TBCK: variants seen among roughly 807,000 people sequenced by gnomAD.
The protein encoded by TBCK is TBC domain-containing protein kinase-like protein.
In TBCK, 99 loss-of-function variants were observed where a neutral mutation model predicts 113.4. The ratio of observed to expected loss-of-function variants is 0.87; its 90% CI spans 0.74 to 1.03. TBCK has a LOEUF of 1.03. Ranked by LOEUF, TBCK falls within the 50% of genes least tolerant of loss-of-function variation. The pLI, the probability that TBCK is intolerant of heterozygous loss-of-function variation, is 0.00. For missense variants in TBCK, 1,045 were observed against 1,061.3 expected (o/e 0.98, Z 0.21); for synonymous variants, 369 against 370.8 (o/e 1.00, Z 0.05).
chr4:106,197,323 C>A (rs148340027), intron 20 of TBCK, among the ~76,000 whole-genome samples: 222 of 146,354 alleles, frequency 1.5e-3, no homozygotes, highest in Non-Finnish European at 2.7e-3. Context: ...CCCCTCAAAT[C>A]TTTGCTAATT....
At chr4:106,053,817 T>C (rs965698614) in intron 25 of TBCK, among the ~76,000 whole-genome samples, 1 of 151,676 alleles carries the variant, frequency 6.6e-6, no homozygotes, top group African/African-American at 2.4e-5. Context: ...TCTCAGGAAA[T>C]GGCAATTTCA....
At chr4:106,262,967 G>C (rs1312011102) in intron 3 of TBCK, among the ~76,000 whole-genome samples, 1 of 151,914 alleles carries the variant, frequency 6.6e-6, no homozygotes, top group Admixed American at 6.6e-5. Flanking sequence ...AGTATGGATT[G>C]TTCATTTGCA....
chr4:106,136,795 T>C (rs866150596), intron 23 of TBCK, among the ~76,000 whole-genome samples: 1 of 141,132 alleles, frequency 7.1e-6, no homozygotes, highest in African/African-American at 2.5e-5. Flanking sequence ...CAATATACCA[T>C]GAGCTCCTGT....
chr4:106,199,470 A>C (rs1253923220), intron 20 of TBCK, among the ~76,000 whole-genome samples: 1 of 151,970 alleles, frequency 6.6e-6, no homozygotes, highest in Admixed American at 6.6e-5. Context: ...ATTTTTCTCC[A>C]AATAACTGTG....
chr4:106,099,110 TTCAA>T (rs1221888558), intron 24 of TBCK, among the ~76,000 whole-genome samples: 2 of 152,046 alleles, frequency 1.3e-5, no homozygotes, highest in South Asian at 2.1e-4. Flanking sequence ...TATGCTGTAC[TTCAA>T]TCAAACAGAA....
At chr4:106,315,255 T>C (rs572657299) in intron 1 of TBCK, among the ~76,000 whole-genome samples, 5 of 152,150 alleles carry the variant, frequency 3.3e-5, no homozygotes, top group African/African-American at 1.2e-4. Flanking sequence ...CAGTTGTTTT[T>C]CCAGCTGGTG....
chr4:106,050,143 T>C (rs1734649277), intron 25 of TBCK, among the ~76,000 whole-genome samples: 1 of 152,028 alleles, frequency 6.6e-6, no homozygotes, highest in African/African-American at 2.4e-5. Flanking sequence ...AAGGGAGATT[T>C]CATAATGATA....
chr4:106,221,862 G>T (rs1757725873), intron 19 of TBCK, among the ~76,000 whole-genome samples: 1 of 151,894 alleles, frequency 6.6e-6, no homozygotes, highest in Non-Finnish European at 1.5e-5. Context: ...TACCTGTCTG[G>T]TACTATGCTT....
rs1734038582 is a variant in TBCK at position 106,044,437 on chromosome 4, A to T, written c.*2133T>A. On this transcript the variant is annotated 3_prime_UTR_variant, in exon 26 of 26. Transcript: ENST00000394708. ...AATTCTCACATTTTTTTCCTTGTAAACTAGGTAAGGATCACAAATGATATA... is the reference window on the plus strand; with the variant it reads ...AATTCTCACATTTTTTTCCTTGTAATCTAGGTAAGGATCACAAATGATATA... 1 of 152,138 alleles carries T rather than the reference A, an allele frequency of 6.6e-6. No homozygotes were observed. Among genetic ancestry groups the T allele is most frequent in the African/African-American group, 2.4e-5 (1 of 41,392 alleles). The allele number at this position is 152,138 out of a possible 1,614,324, so 9.4% of individuals were successfully genotyped here. A position where few individuals can be genotyped will look rare whatever the true frequency, so the allele number is the denominator to read the frequency against.
At chr4:106,316,425 G>A (rs1768884576), upstream of TBCK, 1 of 973,214 alleles carries the variant, frequency 1.0e-6, no homozygotes. Flanking sequence ...CAGGTTAATG[G>A]GACTGAGCAC....
intron 10 of TBCK, among the ~76,000 whole-genome samples, chr4:106,245,877 C>A (rs996313581): frequency 2.0e-5 from 3 of 152,098 alleles, no homozygotes; most frequent in African/African-American, 7.2e-5. Context: ...ATGTCCAGCA[C>A]TTTCATTTAG....
chr4:106,053,254 C>A (rs1012855874), intron 25 of TBCK, among the ~76,000 whole-genome samples: 1 of 151,456 alleles, frequency 6.6e-6, no homozygotes, highest in African/African-American at 2.4e-5. Context: ...TTGCAAGAAG[C>A]CTATTCTCTC....
At chr4:106,071,840 A>G (rs1327931849) in intron 25 of TBCK, among the ~76,000 whole-genome samples, 1 of 152,134 alleles carries the variant, frequency 6.6e-6, no homozygotes, top group Non-Finnish European at 1.5e-5. Context: ...TGATCCCTTT[A>G]CTATTATGTA....
intron 25 of TBCK, among the ~76,000 whole-genome samples, chr4:106,049,346 G>A (rs1021297680): frequency 2.0e-5 from 3 of 151,984 alleles, no homozygotes; most frequent in African/African-American, 7.2e-5. Flanking sequence ...AATAAGCCGA[G>A]TTTCTGAATT....
intron 6 of TBCK, among the ~76,000 whole-genome samples, chr4:106,250,902 C>T (rs954111413): frequency 6.6e-6 from 1 of 151,930 alleles, no homozygotes; most frequent in African/African-American, 2.4e-5. Flanking sequence ...TCTGTTTCTC[C>T]ATTAAAAAAA....
At chr4:106,056,045 T>C (rs1291042887) in intron 25 of TBCK, among the ~76,000 whole-genome samples, 2 of 151,232 alleles carry the variant, frequency 1.3e-5, no homozygotes, top group Non-Finnish European at 3.0e-5. Flanking sequence ...GAGGATTCAA[T>C]ACACATCTAG....
At chr4:106,261,873 T>G (rs962753565) in intron 4 of TBCK, among the ~76,000 whole-genome samples, 1 of 152,034 alleles carries the variant, frequency 6.6e-6, no homozygotes, top group Non-Finnish European at 1.5e-5. Flanking sequence ...ATGGGTCTTG[T>G]GGGAAAAATA....
intron 5 of TBCK, 148 bp downstream of exon 5, chr4:106,260,289 A>C: frequency 2.7e-6 from 1 of 375,284 alleles, no homozygotes; most frequent in Non-Finnish European, 4.9e-6. Flanking sequence ...ACTCATTTTA[A>C]AAGTATATGG....
chr4:106,316,487 C>CGAA, upstream of TBCK: 1 of 1,503,484 alleles, frequency 6.7e-7, no homozygotes, highest in Non-Finnish European at 9.1e-7. Flanking sequence ...CTCAGGCTTT[C>CGAA]AGCAAGGACA....
Sources: allele counts gnomAD v4.1 joint callset (sites outside exome capture counted in the v4.1 genomes callset), GRCh38; gene constraint gnomAD v4.1.1; transcripts MANE v1.5; gene names NCBI Gene and HGNC (gene_info 2026-07-23, HGNC 2026-07-21).